The following NIF3L1 variants were observed in gnomAD, a reference collection of about 807,000 sequenced individuals.
NIF3L1 encodes NIF3-like protein 1.
Under a neutral mutation model 35.0 loss-of-function variants are expected in NIF3L1, and 26 were observed. The ratio of observed to expected loss-of-function variants is 0.74; its 90% CI spans 0.54 to 1.03. NIF3L1 has a LOEUF of 1.03. NIF3L1 is among the 50% of genes least tolerant of loss of function. The probability of loss-of-function intolerance (pLI) is 0.00; values close to 1 mark genes in which losing one functional copy is unlikely to be tolerated. For synonymous variants in NIF3L1, 157 were observed against 178.9 expected, an observed-to-expected ratio of 0.88 and a Z score of 0.98; for missense variants, 449 against 466.3, an observed-to-expected ratio of 0.96 and a Z score of 0.34.
chr2:200,897,914 C>T (rs1297440306), intron 5 of NIF3L1, among the ~76,000 whole-genome samples: 1 of 152,202 alleles, frequency 6.6e-6, no homozygotes, highest in Non-Finnish European at 1.5e-5. Flanking sequence ...GGTGTGGATT[C>T]TGAGCTTAGA....
intron 5 of NIF3L1, among the ~76,000 whole-genome samples, chr2:200,898,107 TGTTA>T (rs2040348191): frequency 1.3e-5 from 2 of 152,220 alleles, no homozygotes; most frequent in African/African-American, 4.8e-5. Context: ...TGCTAGCTGT[TGTTA>T]GTTTTGTGGT....
intron 6 of NIF3L1, among the ~76,000 whole-genome samples, chr2:200,902,682 A>C (rs1202207433): frequency 6.6e-6 from 1 of 152,242 alleles, no homozygotes; most frequent in Non-Finnish European, 1.5e-5. Flanking sequence ...GTCAAAGAAA[A>C]ATACTTTGTT....
chr2:200,897,731 T>C (rs763313783), intron 5 of NIF3L1, among the ~76,000 whole-genome samples: 11 of 152,200 alleles, frequency 7.2e-5, no homozygotes, highest in Non-Finnish European at 1.3e-4. Flanking sequence ...ATCTGATCCA[T>C]TGTAGTTTCT....
intron 2 of NIF3L1, among the ~76,000 whole-genome samples, chr2:200,892,871 GATTAATGTGGTC>G (rs1307299791): frequency 1.3e-5 from 2 of 152,264 alleles, no homozygotes; most frequent in East Asian, 3.9e-4. Context: ...ATGATATCTG[GATTAATGTGGTC>G]AAATAAAGTA....
At chr2:200,889,896 C>CTATGTG (rs1437504565) in intron 1 of NIF3L1, among the ~76,000 whole-genome samples, 3 of 152,324 alleles carry the variant, frequency 2.0e-5, no homozygotes, top group African/African-American at 7.2e-5. Flanking sequence ...AACCGCCATA[C>CTATGTG]TATGTTGCCT....
At chr2:200,895,905 GTT>G (rs2040301134) in intron 4 of NIF3L1, among the ~76,000 whole-genome samples, 1 of 151,412 alleles carries the variant, frequency 6.6e-6, no homozygotes. Flanking sequence ...CTTTCTGGAT[GTT>G]TTGCACTTAC....
At chr2:200,894,698 G>A (rs1014999956) in intron 3 of NIF3L1, among the ~76,000 whole-genome samples, 2 of 149,834 alleles carry the variant, frequency 1.3e-5, no homozygotes, top group Non-Finnish European at 3.0e-5. Context: ...GTGAGCCACT[G>A]TGCCTGGCCT....
Position 200,893,252 on chromosome 2 carries a change from G to C in NIF3L1, c.443G>C (p.Cys148Ser). The C allele has an allele frequency of 6.7e-7, 1 of 1,485,880 alleles. No individual in the cohort carries two copies. Among genetic ancestry groups the C allele is most frequent in the Non-Finnish European group, 9.0e-7 (1 of 1,113,418 alleles). The allele number at this position is 1,485,880 out of a possible 1,614,324, so 92.0% of individuals were successfully genotyped here. The stretch of plus-strand genomic sequence containing the variant: ...CCCACAATATTTTCTCTAGGAGCTT[G>C]TACCTCCAGGCCCATACATCCTTCC... ...NNWLAKGLGA[C>S]TSRPIHPSKA... Residue 148 changes from cysteine to serine, a missense_variant, in exon 3 of 7, where the codon TGT becomes TCT. Coordinates refer to ENST00000409020, the MANE Select transcript of NIF3L1 (RefSeq NM_001369441.2).
intron 4 of NIF3L1, among the ~76,000 whole-genome samples, chr2:200,896,268 C>A (rs2040311935): frequency 6.6e-6 from 1 of 152,152 alleles, no homozygotes; most frequent in South Asian, 2.1e-4. Flanking sequence ...ACAGCATGTA[C>A]TCTGCACAGT....
At chr2:200,901,671 G>A (rs565950355) in intron 6 of NIF3L1, among the ~76,000 whole-genome samples, 2 of 152,186 alleles carry the variant, frequency 1.3e-5, no homozygotes, top group African/African-American at 2.4e-5. Flanking sequence ...GTAATACCCC[G>A]TAAGACCAGC....
rs1048681272 is a variant in NIF3L1 at position 200,903,865 on chromosome 2, A to G, written c.*187A>G. 5 of 600,274 alleles carry G rather than the reference A, an allele frequency of 8.3e-6. No individual in the cohort carries two copies. The highest frequency in any genetic ancestry group is 5.7e-5 in the Admixed American group (2 of 35,074). The allele number at this position is 600,274 out of a possible 1,614,324, so 37.2% of individuals were successfully genotyped here. A position where few individuals can be genotyped will look rare whatever the true frequency, so the allele number is the denominator to read the frequency against. On this transcript the variant is annotated 3_prime_UTR_variant, in exon 7 of 7. Coordinates refer to ENST00000409020, the MANE Select transcript of NIF3L1 (RefSeq NM_001369441.2). The stretch of plus-strand genomic sequence containing the variant: ...GGTAAAACTGTAATATAACTACCAT[A>G]TTAAATAACAAATGTTCATTATAAA...
At chr2:200,894,856 G>A (rs1445867717) in intron 3 of NIF3L1, among the ~76,000 whole-genome samples, 2 of 152,094 alleles carry the variant, frequency 1.3e-5, no homozygotes, top group Non-Finnish European at 2.9e-5. Flanking sequence ...GATTACAGAT[G>A]TGAGCCACTG....
At chr2:200,896,681 G>A (rs2040320960) in intron 4 of NIF3L1, among the ~76,000 whole-genome samples, 1 of 152,138 alleles carries the variant, frequency 6.6e-6, no homozygotes, top group Non-Finnish European at 1.5e-5. Context: ...CTCCTGGGTA[G>A]CTCAAGCCCA....
Position 200,903,604 on chromosome 2 carries a change from C to T in NIF3L1, c.1060C>T (p.Leu354=). ...CTTTCTTTCTGACCTTCGAGATATG[C>T]TGGATTCTCACTTGGAGAATAAGAT... ...RGFLSDLRDM[L]DSHLENKINI... is the part of the protein sequence containing the mutation. Residue 354 remains leucine (L), a synonymous_variant, in exon 7 of 7, where the codon CTG becomes TTG. Coordinates refer to ENST00000409020, the MANE Select transcript of NIF3L1 (RefSeq NM_001369441.2). 1 of 1,613,566 alleles carries T rather than the reference C, an allele frequency of 6.2e-7. No homozygotes were observed. Among genetic ancestry groups the T allele is most frequent in the South Asian group, 1.1e-5 (1 of 91,074 alleles).
At chr2:200,894,099 G>A (rs898128339) in intron 3 of NIF3L1, among the ~76,000 whole-genome samples, 5 of 150,980 alleles carry the variant, frequency 3.3e-5, no homozygotes, top group East Asian at 2.0e-4. Flanking sequence ...ACTTGAACCC[G>A]AGAGGCGGAG....
Position 200,889,416 on chromosome 2 carries a change from C to A in NIF3L1, c.-263C>A, listed in dbSNP as rs1341183588. The A allele has an allele frequency of 1.7e-5, 4 of 239,556 alleles. No homozygotes were observed. Among genetic ancestry groups the A allele is most frequent in the African/African-American group, 6.8e-5 (3 of 44,144 alleles). 14.8% of individuals were successfully genotyped at this position (239,556 alleles called of 1,614,324 possible). ...GGTGAGTAGTGGGCGATTTAAAAAC[C>A]CGCGAGTGTAGTTGTGACCTTCGCG... is the stretch of plus-strand genomic sequence containing the variant. On this transcript the variant is annotated 5_prime_UTR_variant, in exon 1 of 7. Transcript: ENST00000409020.
At position 200,899,473 on chromosome 2, in the gene NIF3L1, G is replaced by A. The variant is rs373069375; in HGVS notation, c.949+5G>A. ...AGGCTGACCTTTACCTCACAGGTAG[G>A]ACAGACTTTGGATCTCTCTTGGTTT... On this transcript the variant is annotated splice_donor_5th_base_variant and intron_variant, in intron 6 of 6. Transcript: ENST00000409020. 2.5e-6 allele frequency: 4 copies of A among 1,612,538 alleles called. No homozygotes were observed. In the African/African-American group the frequency reaches 4.0e-5, roughly 16 times the overall value.
intron 4 of NIF3L1, among the ~76,000 whole-genome samples, chr2:200,895,957 T>G (rs2040302112): frequency 6.6e-6 from 1 of 150,984 alleles, no homozygotes. Flanking sequence ...ATCCAAATAC[T>G]TTATCCGTTT....
Position 200,893,308 on chromosome 2 carries a change from CACCGAGTAGAATTCA to C in NIF3L1, c.502_516del (p.Arg168_Asn172del), listed in dbSNP as rs760466709. The stretch of plus-strand genomic sequence containing the variant: ...TCCCAACTACCCTACAGAGGGAAAC[CACCGAGTAGAATTCA>C]ACGTTAACTACACCCAAGACCTGGA... On this transcript the variant is annotated inframe_deletion, in exon 3 of 7. Coordinates refer to ENST00000409020, the MANE Select transcript of NIF3L1 (RefSeq NM_001369441.2). 10 of 1,608,766 alleles carry C rather than the reference CACCGAGTAGAATTCA, an allele frequency of 6.2e-6. No homozygotes were observed. The highest frequency in any genetic ancestry group is 2.2e-5 in the South Asian group (2 of 90,598).
Sources: allele counts gnomAD v4.1 joint callset (sites outside exome capture counted in the v4.1 genomes callset), GRCh38; gene constraint gnomAD v4.1.1; transcripts MANE v1.5; gene names NCBI Gene and HGNC (gene_info 2026-07-23, HGNC 2026-07-21).